Variants in DPP10 observed in about 807,000 individuals in gnomAD.
DPP10 encodes inactive dipeptidyl peptidase 10.
DPP10 carries 33 observed loss-of-function variants against 120.9 expected under a neutral mutation model. That is an observed-to-expected ratio of 0.27 (90% confidence interval 0.21 to 0.37). The LOEUF (loss-of-function observed/expected upper bound fraction) is 0.37, where lower values mean the gene tolerates loss of function less well. DPP10 is among the 10% of genes least tolerant of loss of function. DPP10 has a pLI of 1.00. For missense variants in DPP10, 816 were observed against 942.8 expected (o/e 0.87, Z 1.76); for synonymous variants, 337 against 326.1 (o/e 1.03, Z -0.36).
chr2:115,176,227 G>A (rs753210954), intron 1 of DPP10, among the ~76,000 whole-genome samples: 15 of 148,354 alleles, frequency 1.0e-4, no homozygotes, highest in Non-Finnish European at 1.5e-4. Context: ...AAAATTTTGT[G>A]TCTATACTAT....
At position 115,473,083 on chromosome 2, in the gene DPP10, G is replaced by A. The variant is rs193036527; in HGVS notation, c.272-26427G>A. 1.5e-4 allele frequency among the ~76,000 whole-genome samples: 23 copies of A among 152,216 alleles called. No homozygotes were observed. The East Asian group carries it at 3.7e-3, about 24-fold the overall frequency. ...TAATAAATGAAAATGTGGTCTAAAC[G>A]TGTTCTGGAACATTTCCTAATTATT... On this transcript the variant is annotated intron_variant, in intron 3 of 25. Coordinates refer to ENST00000410059, the MANE Select transcript of DPP10 (RefSeq NM_020868.6).
At chr2:114,842,314 T>G (rs886778762) in intron 1 of DPP10, among the ~76,000 whole-genome samples, 3 of 152,114 alleles carry the variant, frequency 2.0e-5, no homozygotes, top group Non-Finnish European at 4.4e-5. Context: ...AAAGACACCC[T>G]GCCAGTGGTT....
In DPP10 at chr2:115,842,850, T is replaced by C. The variant is rs529694714; in HGVS notation, c.*505T>C. The C allele has an allele frequency of 1.3e-5, 2 of 152,808 alleles. No individual in the cohort carries two copies. Among genetic ancestry groups the C allele is most frequent in the East Asian group, 1.9e-4 (1 of 5,190 alleles). The allele number at this position is 152,808 out of a possible 1,614,324, so 9.5% of individuals were successfully genotyped here. A position where few individuals can be genotyped will look rare whatever the true frequency, so the allele number is the denominator to read the frequency against. On this transcript the variant is annotated 3_prime_UTR_variant, in exon 26 of 26. Coordinates refer to ENST00000410059, the MANE Select transcript of DPP10 (RefSeq NM_020868.6). ...TATTCAGTTAATAAAAAACAGAGTA[T>C]TTTATGTAATTTCTGTTTTTAAAAA...
At chr2:115,322,184 G>C (rs1240877808) in intron 2 of DPP10, among the ~76,000 whole-genome samples, 1 of 151,374 alleles carries the variant, frequency 6.6e-6, no homozygotes, top group Admixed American at 6.6e-5. Flanking sequence ...TCCTTTTCTG[G>C]GTGGGCTTTT....
In DPP10 at chr2:115,516,574, GTT is replaced by G. The variant is rs5833606; in HGVS notation, c.367-9309_367-9308del. On this transcript the variant is annotated intron_variant, in intron 4 of 25. Transcript: ENST00000410059. ...GAAAACCTGAGCCTTGTTATTCTTT[GTT>G]TTTTTTTTTTTTTTCCAAGTGAATT... 1.7e-3 allele frequency among the ~76,000 whole-genome samples: 241 copies of G among 138,246 alleles called. 1 individual carries two copies. Among genetic ancestry groups the G allele is most frequent in the East Asian group, 6.8e-3 (32 of 4,706 alleles). 90.7% of individuals were successfully genotyped at this position (138,246 alleles called of 152,430 possible). A position where few individuals can be genotyped will look rare whatever the true frequency, so the allele number is the denominator to read the frequency against.
At chr2:114,715,778 T>C (rs1428387281) in intron 1 of DPP10, among the ~76,000 whole-genome samples, 3 of 151,942 alleles carry the variant, frequency 2.0e-5, no homozygotes, top group African/African-American at 7.2e-5. Flanking sequence ...CAAAAAGATA[T>C]GGCTGGTATA....
At chr2:114,742,201 A>G (rs1261717530) in intron 1 of DPP10, among the ~76,000 whole-genome samples, 2 of 152,218 alleles carry the variant, frequency 1.3e-5, no homozygotes, top group Admixed American at 6.5e-5. Context: ...AGAATTCTCT[A>G]ACAGCCTTTC....
chr2:115,224,816 T>C (rs2057354344), intron 1 of DPP10, among the ~76,000 whole-genome samples: 2 of 152,214 alleles, frequency 1.3e-5, no homozygotes, highest in South Asian at 4.1e-4. Context: ...AAAATAAAAT[T>C]GCTGGGTGAC....
At chr2:114,808,102 C>T (rs750923704) in intron 1 of DPP10, among the ~76,000 whole-genome samples, 17 of 152,162 alleles carry the variant, frequency 1.1e-4, no homozygotes, top group African/African-American at 4.1e-4. Flanking sequence ...TATGAACACA[C>T]GTCCTTTTAT....
At chr2:114,996,216 G>T (rs187545314) in intron 1 of DPP10, among the ~76,000 whole-genome samples, 1 of 152,124 alleles carries the variant, frequency 6.6e-6, no homozygotes, top group Non-Finnish European at 1.5e-5. Flanking sequence ...CTTGAGGCGA[G>T]GTGTAATCAT....
chr2:115,637,746 C>T (rs2086462847), intron 5 of DPP10, among the ~76,000 whole-genome samples: 1 of 152,136 alleles, frequency 6.6e-6, no homozygotes. Flanking sequence ...GAGGGAGGCC[C>T]CTGTGACCTG....
At chr2:115,455,123 G>C (rs1202998029) in intron 3 of DPP10, among the ~76,000 whole-genome samples, 2 of 151,610 alleles carry the variant, frequency 1.3e-5, no homozygotes, top group African/African-American at 4.8e-5. Flanking sequence ...AAAAATCTGT[G>C]TTAAAAACTA....
intron 1 of DPP10, among the ~76,000 whole-genome samples, chr2:114,909,869 C>T (rs1172251839): frequency 6.6e-6 from 1 of 151,810 alleles, no homozygotes; most frequent in African/African-American, 2.4e-5. Context: ...ATGCACACAG[C>T]AGGAAACATC....
At chr2:115,521,153 C>T (rs1218698336) in intron 4 of DPP10, among the ~76,000 whole-genome samples, 1 of 152,056 alleles carries the variant, frequency 6.6e-6, no homozygotes, top group Non-Finnish European at 1.5e-5. Context: ...GAAAGTTGAA[C>T]AAAGGTACAA....
At chr2:114,894,733 A>G (rs17452229) in intron 1 of DPP10, among the ~76,000 whole-genome samples, 32,479 of 152,024 alleles carry the variant, frequency 0.21, 3,827 homozygotes, top group Middle Eastern at 0.33. Flanking sequence ...CCAAGTCTAA[A>G]ATCTACCTAT....
chr2:114,653,879 C>T (rs1312756973), intron 1 of DPP10, among the ~76,000 whole-genome samples: 1 of 152,034 alleles, frequency 6.6e-6, no homozygotes, highest in Non-Finnish European at 1.5e-5. Flanking sequence ...GTGTACTAGC[C>T]CCTCTGTGTA....
chr2:114,944,213 C>A (rs565059069), intron 1 of DPP10, among the ~76,000 whole-genome samples: 2 of 152,162 alleles, frequency 1.3e-5, no homozygotes, highest in East Asian at 3.9e-4. Flanking sequence ...CTTGATGTTG[C>A]AAATAATGTA....
At chr2:115,629,457 C>A (rs1558948670) in intron 5 of DPP10, among the ~76,000 whole-genome samples, 1 of 152,122 alleles carries the variant, frequency 6.6e-6, no homozygotes, top group Non-Finnish European at 1.5e-5. Context: ...TCCTATTTCT[C>A]CACATCCTCC....
chr2:115,592,570 T>TA (rs34141896), intron 5 of DPP10, among the ~76,000 whole-genome samples: 36 of 134,314 alleles, frequency 2.7e-4, no homozygotes, highest in East Asian at 4.4e-4. Context: ...CCGTCTCTGC[T>TA]AAAAAAAAAC....
Sources: gnomAD v4.1 joint callset for allele counts (sites outside exome capture counted in the v4.1 genomes callset) on GRCh38, gnomAD v4.1.1 for gene constraint, MANE v1.5 for transcripts, NCBI Gene and HGNC (gene_info 2026-07-23, HGNC 2026-07-21) for gene names.